Variants in NCAPH2 observed in about 807,000 individuals in gnomAD.
The protein encoded by NCAPH2 is non-SMC condensin II complex subunit H2, also known as condensin-2 complex subunit H2.
In NCAPH2, 56 loss-of-function variants were observed where a neutral mutation model predicts 88.6. The ratio of observed to expected loss-of-function variants is 0.63; its 90% confidence interval spans 0.51 to 0.79. The LOEUF (loss-of-function observed/expected upper bound fraction) is 0.79, where lower values mean the gene tolerates loss of function less well. NCAPH2 is among the 30% of genes least tolerant of loss of function. NCAPH2 has a pLI of 0.00. For synonymous variants in NCAPH2, 378 were observed against 313.6 expected, an observed-to-expected ratio of 1.21 and a Z score of -2.17; for missense variants, 794 against 792.0, an observed-to-expected ratio of 1.00 and a Z score of -0.03.
intron 1 of NCAPH2, among the ~76,000 whole-genome samples, chr22:50,512,761 T>C (rs2068819843): frequency 6.6e-6 from 1 of 152,060 alleles, no homozygotes; most frequent in Non-Finnish European, 1.5e-5. Flanking sequence ...GCCCAGGCTG[T>C]TCTCAAACTC....
chr22:50,508,490 G>GC, intron 1 of NCAPH2, 45 bp downstream of exon 1: 1 of 1,028,332 alleles, frequency 9.7e-7, no homozygotes, highest in Non-Finnish European at 1.3e-6. Context: ...GGCGGGTGGG[G>GC]CTGCGGGGCG....
intron 9 of NCAPH2, chr22:50,520,734 G>A: frequency 2.1e-6 from 1 of 481,968 alleles, no homozygotes; most frequent in South Asian, 2.6e-5. Context: ...AATTTTTTTT[G>A]CATTTTTAGT....
At chr22:50,521,674 G>T in intron 11 of NCAPH2, 65 bp downstream of exon 11, 2 of 1,611,030 alleles carry the variant, frequency 1.2e-6, no homozygotes, top group South Asian at 1.1e-5. Flanking sequence ...CATGAGGTGG[G>T]GGGGTGGGAG....
chr22:50,516,382 G>T lies in NCAPH2; in HGVS notation c.109-65G>T, dbSNP rs878932498. The T allele has an allele frequency of 1.4e-5, 21 of 1,505,338 alleles. No homozygotes were observed. In the Admixed American group the frequency reaches 3.4e-4, roughly 24 times the overall value. 93.2% of individuals were successfully genotyped at this position (1,505,338 alleles called of 1,614,324 possible). Reference sequence around the variant, plus strand: ...GCAGAGACCAAAGATGGGTGGGGCTGCCCTGGAAGAAGCGAGTGCAGACTG... The same window carrying T: ...GCAGAGACCAAAGATGGGTGGGGCTTCCCTGGAAGAAGCGAGTGCAGACTG... On this transcript the variant is annotated intron_variant, in intron 1 of 19. Coordinates refer to ENST00000420993, the MANE Select transcript of NCAPH2 (RefSeq NM_152299.4).
chr22:50,512,543 GTT>G (rs139798817), intron 1 of NCAPH2, among the ~76,000 whole-genome samples: 32,681 of 132,814 alleles, frequency 0.25, 4,370 homozygotes, highest in East Asian at 0.42. Context: ...TTTGTCCTTT[GTT>G]TTTTTTTTTT....
At chr22:50,512,948 A>G (rs1367303462) in intron 1 of NCAPH2, among the ~76,000 whole-genome samples, 3 of 152,100 alleles carry the variant, frequency 2.0e-5, no homozygotes, top group Non-Finnish European at 4.4e-5. Flanking sequence ...TTAAACTTTG[A>G]AAAAATAGTG....
chr22:50,511,135 C>T (rs902044207), intron 1 of NCAPH2, among the ~76,000 whole-genome samples: 15 of 150,006 alleles, frequency 1.0e-4, no homozygotes, highest in Non-Finnish European at 1.5e-4. Flanking sequence ...CATGAGCCAC[C>T]GCGCCCAGCC....
chr22:50,516,477 G>A lies in NCAPH2; in HGVS notation c.139G>A (p.Gly47Ser), dbSNP rs1366980415. Residue 47 changes from glycine (G) to serine (S), a missense_variant, in exon 2 of 20, where the codon GGC becomes AGC. By Grantham distance (56) the Gly-to-Ser change is moderately conservative. This residue lies in a region of NCAPH2 where 59 missense variants were observed against 95.7 expected (regional missense o/e 0.62). Transcript: ENST00000420993. ...LDQICISFDEGKTTMNFIEAA... is the reference protein window; with the variant it reads ...LDQICISFDESKTTMNFIEAA... ...TCAGATCTGCATTTCTTTTGACGAA[G>A]GCAAGACCACAATGAACTTCATTGA... 3 of 1,614,200 alleles carry A rather than the reference G, an allele frequency of 1.9e-6. No individual in the cohort carries two copies. Among genetic ancestry groups the A allele is most frequent in the Non-Finnish European group, 2.5e-6 (3 of 1,180,030 alleles).
chr22:50,509,771 T>C (rs2068735873), intron 1 of NCAPH2, among the ~76,000 whole-genome samples: 1 of 152,156 alleles, frequency 6.6e-6, no homozygotes, highest in African/African-American at 2.4e-5. Flanking sequence ...CAAATTTCCT[T>C]CTCTGAACCT....
Position 50,518,677 on chromosome 22 carries a change from G to A in NCAPH2, c.675G>A (p.Met225Ile). The A allele has an allele frequency of 6.2e-7, 1 of 1,609,614 alleles. No individual in the cohort carries two copies. Among genetic ancestry groups the A allele is most frequent in the Non-Finnish European group, 8.5e-7 (1 of 1,178,880 alleles). Residue 225 changes from methionine (M) to isoleucine (I), a missense_variant, in exon 8 of 20, where the codon ATG becomes ATA. Met to Ile is a conservative substitution (Grantham distance 10, BLOSUM62 1). This residue lies in a region of NCAPH2 where 735 missense variants were observed against 696.3 expected (regional missense o/e 1.06). Transcript: ENST00000420993. ...CCGGGAGGACTGAGGAGCAGCCAAT[G>A]GAAGTTTCCGTGTGCAGGAGCCCTG... The part of the protein sequence containing the change: ...KDTGRTEEQP[M>I]EVSVCRSPVP...
rs777314831 is a variant in NCAPH2 at position 50,521,010 on chromosome 22, G to T, written c.907G>T (p.Ala303Ser). ...RRYMLREREG[A>S]PEPASCVKET... ...GTACATGCTGCGGGAGCGGGAGGGGGCCCCAGAGCCTGCATCCTGCGTGAA... is the reference window on the plus strand; with the variant it reads ...GTACATGCTGCGGGAGCGGGAGGGGTCCCCAGAGCCTGCATCCTGCGTGAA... Residue 303 changes from alanine (A) to serine (S), a missense_variant, in exon 10 of 20, where the codon GCC becomes TCC. By Grantham distance (99) the Ala-to-Ser change is moderately conservative (BLOSUM62 1). Coordinates refer to ENST00000420993, the MANE Select transcript of NCAPH2 (RefSeq NM_152299.4). The T allele has an allele frequency of 2.9e-5, 45 of 1,550,670 alleles. No homozygotes were observed. Among genetic ancestry groups the T allele is most frequent in the Non-Finnish European group, 3.7e-5 (42 of 1,146,916 alleles).
At chr22:50,509,795 A>T (rs2068736612) in intron 1 of NCAPH2, among the ~76,000 whole-genome samples, 1 of 151,816 alleles carries the variant, frequency 6.6e-6, no homozygotes, top group Admixed American at 6.6e-5. Context: ...TCTGCTCTCC[A>T]TTTTAGCCTC....
At chr22:50,509,032 A>G (rs535777802) in intron 1 of NCAPH2, among the ~76,000 whole-genome samples, 22 of 152,288 alleles carry the variant, frequency 1.4e-4, no homozygotes, top group Admixed American at 1.2e-3. Flanking sequence ...TCTCCATTCT[A>G]CCAAATCCAA....
rs2068678925 is a variant in NCAPH2 at position 50,508,255 on chromosome 22, G to A, written c.-83G>A. The A allele has an allele frequency of 1.9e-6, 2 of 1,057,948 alleles. No individual in the cohort carries two copies. Among genetic ancestry groups the A allele is most frequent in the South Asian group, 1.6e-5 (1 of 62,424 alleles). 65.5% of individuals were successfully genotyped at this position (1,057,948 alleles called of 1,614,324 possible). A position where few individuals can be genotyped will look rare whatever the true frequency, so the allele number is the denominator to read the frequency against. ...TCCTGGGCGGGAACAGCAAAATGGC[G>A]CCAGAACTAGTGGCGGGCTGAGGAC... On this transcript the variant is annotated 5_prime_UTR_variant, in exon 1 of 20. Transcript: ENST00000420993.
At chr22:50,511,663 T>G (rs1165546676) in intron 1 of NCAPH2, among the ~76,000 whole-genome samples, 2 of 136,062 alleles carry the variant, frequency 1.5e-5, no homozygotes, top group African/African-American at 3.2e-5. Context: ...TTTTTTTTCT[T>G]GAGACAGAGT....
chr22:50,519,477 A>G (rs544071913), intron 9 of NCAPH2, 157 bp downstream of exon 9: 9 of 1,441,688 alleles, frequency 6.2e-6, no homozygotes, highest in Admixed American at 2.9e-5. Flanking sequence ...CCGTCCTGCA[A>G]CCAGCCCTTT....
chr22:50,515,852 G>T, intron 1 of NCAPH2: 3 of 1,234,936 alleles, frequency 2.4e-6, no homozygotes, highest in Non-Finnish European at 3.2e-6. Flanking sequence ...CCAGAGCTAA[G>T]GAGAGAGAGC....
chr22:50,508,452 G>A lies in NCAPH2; in HGVS notation c.108+7G>A. 1 of 1,403,182 alleles carries A rather than the reference G, an allele frequency of 7.1e-7. No homozygotes were observed. Among genetic ancestry groups the A allele is most frequent in the Non-Finnish European group, 9.3e-7 (1 of 1,073,232 alleles). 86.9% of individuals were successfully genotyped at this position (1,403,182 alleles called of 1,614,324 possible). On this transcript the variant is annotated splice_region_variant and intron_variant, in intron 1 of 19. Transcript: ENST00000420993. ...GGGCGAGTATCTGGAGGAGGTAAGGGCGGCGGGGGAGTGACGCGGGGTGGG... is the reference window on the plus strand; with the variant it reads ...GGGCGAGTATCTGGAGGAGGTAAGGACGGCGGGGGAGTGACGCGGGGTGGG...
chr22:50,524,053 CG>C lies in NCAPH2; in HGVS notation c.*680del, dbSNP rs763990034. The C allele has an allele frequency of 3.1e-6, 5 of 1,613,414 alleles. No homozygotes were observed. The South Asian group carries it at 4.4e-5, about 14-fold the overall frequency. On this transcript the variant is annotated 3_prime_UTR_variant, in exon 20 of 20. Coordinates refer to ENST00000420993, the MANE Select transcript of NCAPH2 (RefSeq NM_152299.4). ...AAAGTACATCAGCACCCACTGGCCCCGGAAGTCAGCCTTGCAGCGAGCCCGG... is the reference window on the plus strand; with the variant it reads ...AAAGTACATCAGCACCCACTGGCCCCGAAGTCAGCCTTGCAGCGAGCCCGG...
Sources: allele counts gnomAD v4.1 joint callset (sites outside exome capture counted in the v4.1 genomes callset), GRCh38; gene constraint gnomAD v4.1.1; regional missense constraint gnomAD v4.1.1; transcripts MANE v1.5; gene names NCBI Gene and HGNC (gene_info 2026-07-23, HGNC 2026-07-21).